TRIM44: variants seen among roughly 807,000 people sequenced by gnomAD.
TRIM44 encodes tripartite motif-containing protein 44.
In TRIM44, 13 loss-of-function variants were observed where a neutral mutation model predicts 37.4. That is an observed-to-expected ratio of 0.35 (90% confidence interval 0.23 to 0.55). The LOEUF is 0.55. Ranked by LOEUF, TRIM44 falls within the 20% of genes least tolerant of loss-of-function variation. TRIM44 has a pLI of 0.89. For synonymous variants in TRIM44, 175 were observed against 157.2 expected (o/e 1.11, Z -0.85); for missense variants, 426 against 437.2 (o/e 0.97, Z 0.23).
chr11:35,731,947 A>G (rs1852266039), intron 3 of TRIM44, among the ~76,000 whole-genome samples: 2 of 152,158 alleles, frequency 1.3e-5, no homozygotes, highest in East Asian at 3.9e-4. Flanking sequence ...AACCATACCC[A>G]TTTTGCGCCA....
In TRIM44 at chr11:35,806,496, C is replaced by A; in HGVS notation, c.*111C>A. ...AGCTGCTCAGCAACAAACGTACTTC[C>A]ACCAGATGTGTCCCCAGATCCACAG... On this transcript the variant is annotated 3_prime_UTR_variant, in exon 5 of 5. Transcript: ENST00000299413. The A allele has an allele frequency of 8.5e-7, 1 of 1,183,266 alleles. No individual in the cohort carries two copies. Among genetic ancestry groups the A allele is most frequent in the Non-Finnish European group, 1.3e-6 (1 of 793,882 alleles). 73.3% of individuals were successfully genotyped at this position (1,183,266 alleles called of 1,614,324 possible).
intron 4 of TRIM44, among the ~76,000 whole-genome samples, chr11:35,791,532 C>T (rs1016290897): frequency 1.3e-5 from 2 of 152,052 alleles, no homozygotes; most frequent in African/African-American, 4.8e-5. Context: ...TAAAGATAAG[C>T]ATTAGGAGCT....
intron 4 of TRIM44, among the ~76,000 whole-genome samples, chr11:35,797,673 C>T (rs1240004880): frequency 1.3e-5 from 2 of 152,148 alleles, no homozygotes; most frequent in African/African-American, 2.4e-5. Context: ...AGACAGCTTC[C>T]GATTGAGGGA....
intron 2 of TRIM44, among the ~76,000 whole-genome samples, chr11:35,722,218 T>G (rs1273560184): frequency 6.6e-6 from 1 of 152,194 alleles, no homozygotes; most frequent in Non-Finnish European, 1.5e-5. Context: ...TTTGGGGAGA[T>G]ATTTAGAGTC....
chr11:35,714,566 G>T (rs773676149), intron 2 of TRIM44, among the ~76,000 whole-genome samples: 1 of 152,136 alleles, frequency 6.6e-6, no homozygotes, highest in Admixed American at 6.5e-5. Context: ...TTGTTTTGGT[G>T]TTGTGTTTTA....
intron 4 of TRIM44, among the ~76,000 whole-genome samples, chr11:35,778,129 A>G (rs969405068): frequency 2.6e-5 from 4 of 152,222 alleles, no homozygotes; most frequent in Admixed American, 1.3e-4. Flanking sequence ...ACATAGTCCC[A>G]TATTTCTTGG....
At chr11:35,799,223 A>G (rs779665179) in intron 4 of TRIM44, among the ~76,000 whole-genome samples, 2 of 152,214 alleles carry the variant, frequency 1.3e-5, no homozygotes, top group Non-Finnish European at 2.9e-5. Flanking sequence ...ATCCCCACAC[A>G]GGTTCTGCCA....
At chr11:35,693,547 G>C (rs75825386) in intron 2 of TRIM44, among the ~76,000 whole-genome samples, 1,575 of 152,020 alleles carry the variant, frequency 0.01, 27 homozygotes, top group African/African-American at 0.036. Context: ...TAAAGTCTTA[G>C]TTTGATTGGG....
chr11:35,776,613 T>C (rs1390636074), intron 4 of TRIM44, among the ~76,000 whole-genome samples: 3 of 152,252 alleles, frequency 2.0e-5, no homozygotes, highest in African/African-American at 4.8e-5. Flanking sequence ...TAAATTTCCC[T>C]CTACACACTG....
In TRIM44 at chr11:35,814,694, CCTAT is replaced by C. The variant is rs996530495; in HGVS notation, c.*8312_*8315del. 2 of 152,080 alleles carry C rather than the reference CCTAT, an allele frequency of 1.3e-5. No individual in the cohort carries two copies. Among genetic ancestry groups the C allele is most frequent in the African/African-American group, 4.8e-5 (2 of 41,420 alleles). The allele number at this position is 152,080 out of a possible 1,614,324, so 9.4% of individuals were successfully genotyped here. A position where few individuals can be genotyped will look rare whatever the true frequency, so the allele number is the denominator to read the frequency against. ...GTACCCAGGCAAGGATTTTTCCATA[CCTAT>C]CTTTTTGCTGGTGGTAATGATGAGT... On this transcript the variant is annotated 3_prime_UTR_variant, in exon 5 of 5. Transcript: ENST00000299413.
rs1851890252 is a variant in TRIM44 at position 35,706,803 on chromosome 11, A to G, written c.748-19121A>G. 3.3e-5 allele frequency among the ~76,000 whole-genome samples: 5 copies of G among 152,034 alleles called. No homozygotes were observed. The South Asian group carries it at 1.0e-3, about 32-fold the overall frequency. On this transcript the variant is annotated intron_variant, in intron 2 of 4. Transcript: ENST00000299413. ...TATCTTTGACAAACCCACAGCCAAT[A>G]TCATACTGAATGGGCAAAAACTGGA...
chr11:35,730,646 A>G (rs939591909), intron 3 of TRIM44, among the ~76,000 whole-genome samples: 1 of 152,160 alleles, frequency 6.6e-6, no homozygotes, highest in African/African-American at 2.4e-5. Context: ...GAATGAACAT[A>G]TGTCTCCATT....
intron 4 of TRIM44, among the ~76,000 whole-genome samples, chr11:35,756,986 G>C (rs1371619989): frequency 6.6e-6 from 1 of 152,148 alleles, no homozygotes; most frequent in Non-Finnish European, 1.5e-5. Flanking sequence ...TTGTGTCTCT[G>C]CCAGGCTTTG....
intron 4 of TRIM44, among the ~76,000 whole-genome samples, chr11:35,765,933 A>G (rs16927901): frequency 0.027 from 4,145 of 152,300 alleles, 171 homozygotes; most frequent in East Asian, 0.14. Flanking sequence ...AACTAGTTCA[A>G]TCAACACAGA....
Position 35,811,858 on chromosome 11 carries a change from A to G in TRIM44, c.*5473A>G, listed in dbSNP as rs1175413723. 6.6e-6 allele frequency: 1 copy of G among 152,166 alleles called. No individual in the cohort carries two copies. The highest frequency in any genetic ancestry group is 2.4e-5 in the African/African-American group (1 of 41,426). 9.4% of individuals were successfully genotyped at this position (152,166 alleles called of 1,614,324 possible). A position where few individuals can be genotyped will look rare whatever the true frequency, so the allele number is the denominator to read the frequency against. On this transcript the variant is annotated 3_prime_UTR_variant, in exon 5 of 5. Transcript: ENST00000299413. ...GAACCTTGAGAAAATTGTCCAAGAG[A>G]GGGAGATAAGTCACTCAAGGTCACC...
intron 1 of TRIM44, among the ~76,000 whole-genome samples, chr11:35,671,994 G>A (rs1048250466): frequency 2.0e-5 from 3 of 152,126 alleles, no homozygotes; most frequent in Admixed American, 1.3e-4. Flanking sequence ...TTCTATCTAC[G>A]AAAATGGGTC....
chr11:35,806,186 A>G (rs1397493109), intron 4 of TRIM44, among the ~76,000 whole-genome samples, 172 bp from the exon 5 acceptor site: 1 of 152,172 alleles, frequency 6.6e-6, no homozygotes, highest in African/African-American at 2.4e-5. Context: ...AGATAAAGAA[A>G]TCAGAATTTA....
At chr11:35,796,606 C>A (rs896628563) in intron 4 of TRIM44, among the ~76,000 whole-genome samples, 1 of 152,120 alleles carries the variant, frequency 6.6e-6, no homozygotes, top group South Asian at 2.1e-4. Context: ...CTCTCCACCC[C>A]CTGAAATTGC....
intron 4 of TRIM44, among the ~76,000 whole-genome samples, chr11:35,771,293 G>T (rs750534059): frequency 3.3e-5 from 5 of 152,108 alleles, no homozygotes; most frequent in Non-Finnish European, 2.9e-5. Context: ...TTATGTTTTC[G>T]CAAAAAGACT....
Sources: gnomAD v4.1 joint callset for allele counts (sites outside exome capture counted in the v4.1 genomes callset) on GRCh38, gnomAD v4.1.1 for gene constraint, MANE v1.5 for transcripts, NCBI Gene and HGNC (gene_info 2026-07-23, HGNC 2026-07-21) for gene names.